The following ILDR2 variants were observed in gnomAD, a reference collection of about 807,000 sequenced individuals.
ILDR2 encodes the protein immunoglobulin like domain containing receptor 2.
In ILDR2, 25 loss-of-function variants were observed where a neutral mutation model predicts 66.8. That is an observed-to-expected ratio of 0.37 (90% CI 0.27 to 0.52). ILDR2 has a LOEUF of 0.52. Ranked by LOEUF, ILDR2 falls within the 20% of genes least tolerant of loss-of-function variation. The probability of loss-of-function intolerance (pLI) is 0.88; values close to 1 mark genes in which losing one functional copy is unlikely to be tolerated. For synonymous variants in ILDR2, 367 were observed against 357.2 expected (o/e 1.03, Z -0.31); for missense variants, 827 against 876.8 (o/e 0.94, Z 0.72).
In ILDR2 at chr1:166,921,387, C is replaced by G. The variant is rs556041580; in HGVS notation, c.1212-8G>C. 3.0e-5 allele frequency: 46 copies of G among 1,552,772 alleles called. No individual in the cohort carries two copies. The South Asian group carries it at 5.2e-4, about 17-fold the overall frequency. On this transcript the variant is annotated splice_region_variant and splice_polypyrimidine_tract_variant and intron_variant, in intron 8 of 9. Coordinates refer to ENST00000271417, the MANE Select transcript of ILDR2 (RefSeq NM_199351.3). This position sits in a 1 kb window ranked among gnomAD's most constrained non-coding sequence, Gnocchi z 5.3. ...GACTTGGAGCGCGGCTGGCTGCGGG[C>G]AGAGAAGGAGGGGGTCAGACGGCCG...
At chr1:166,952,559 C>T (rs114395871) in intron 3 of ILDR2, among the ~76,000 whole-genome samples, 1,689 of 152,180 alleles carry the variant, frequency 0.011, 33 homozygotes, top group African/African-American at 0.039. Context: ...CCATCCATAG[C>T]GATTTGTGGA....
intron 6 of ILDR2, among the ~76,000 whole-genome samples, chr1:166,930,992 A>G (rs537588311): frequency 1.2e-4 from 18 of 152,290 alleles, no homozygotes; most frequent in African/African-American, 4.1e-4. Flanking sequence ...GTTTCAGTTT[A>G]AGATTGATGG....
At chr1:166,942,789 G>A (rs969472475) in intron 3 of ILDR2, among the ~76,000 whole-genome samples, 2 of 152,216 alleles carry the variant, frequency 1.3e-5, no homozygotes, top group Non-Finnish European at 2.9e-5. Flanking sequence ...TATTATGCAC[G>A]AAATTGCTAG....
intron 3 of ILDR2, among the ~76,000 whole-genome samples, chr1:166,948,686 T>C (rs1014748144): frequency 6.6e-6 from 1 of 152,194 alleles, no homozygotes; most frequent in Non-Finnish European, 1.5e-5. Flanking sequence ...GTGAATCTAT[T>C]AGCAATAGGA....
chr1:166,930,647 C>A (rs1285217834), intron 6 of ILDR2, among the ~76,000 whole-genome samples: 1 of 152,180 alleles, frequency 6.6e-6, no homozygotes, highest in Non-Finnish European at 1.5e-5. Flanking sequence ...CTTTCCTGGT[C>A]CCTCCTCTCC....
chr1:166,956,569 A>T (rs2075981), intron 3 of ILDR2, among the ~76,000 whole-genome samples, 164 bp downstream of exon 3: 1 of 152,054 alleles, frequency 6.6e-6, no homozygotes, highest in East Asian at 1.9e-4. Context: ...TAATAAGTAC[A>T]GCTACTGCTC....
chr1:166,935,948 C>T (rs1284637376), intron 5 of ILDR2, among the ~76,000 whole-genome samples: 2 of 152,330 alleles, frequency 1.3e-5, no homozygotes, highest in East Asian at 3.9e-4. Context: ...GAGCAAATAA[C>T]CTGAGTCTTC....
chr1:166,961,393 A>G (rs1662604617), intron 1 of ILDR2, among the ~76,000 whole-genome samples: 1 of 152,192 alleles, frequency 6.6e-6, no homozygotes, highest in African/African-American at 2.4e-5. Context: ...AGGTTGGTCA[A>G]TTCTCAGCTT....
chr1:166,900,771 G>A (rs114139045), intron 2 of ILDR2, among the ~76,000 whole-genome samples: 3 of 152,232 alleles, frequency 2.0e-5, no homozygotes, highest in African/African-American at 7.2e-5. Flanking sequence ...TGCAGTTGAT[G>A]AGGCCACCAA....
chr1:166,924,750 C>G (rs1039191636), intron 7 of ILDR2, among the ~76,000 whole-genome samples: 5 of 152,178 alleles, frequency 3.3e-5, no homozygotes, highest in Admixed American at 3.3e-4. Flanking sequence ...CACGGTAGCT[C>G]ATGCCCATAA....
Position 166,957,884 on chromosome 1 carries a change from G to T in ILDR2, c.264C>A (p.Asp88Glu), listed in dbSNP as rs1290766676. 2 of 1,614,160 alleles carry T rather than the reference G, an allele frequency of 1.2e-6. No individual in the cohort carries two copies. ...TGCTGTCCAAACAATCCAAGTAGGG[G>T]TCCCATTCCAGGTTTCTCTTGCTGA... is the stretch of plus-strand genomic sequence containing the variant. ...QSLSKRNLEW[D>E]PYLDCLDSRR... Residue 88 changes from aspartate (D) to glutamate (E), a missense_variant, in exon 2 of 10, where the codon GAC (aspartate) becomes GAA (glutamate). Coordinates refer to ENST00000271417, the MANE Select transcript of ILDR2 (RefSeq NM_199351.3).
intron 3 of ILDR2, among the ~76,000 whole-genome samples, chr1:166,944,922 A>G (rs561759398): frequency 6.6e-6 from 1 of 152,254 alleles, no homozygotes; most frequent in African/African-American, 2.4e-5. Context: ...AGCAGGGACT[A>G]TGCTCTACGC....
At chr1:166,925,055 T>G (rs1276611449) in intron 7 of ILDR2, among the ~76,000 whole-genome samples, 1 of 152,014 alleles carries the variant, frequency 6.6e-6, no homozygotes, top group African/African-American at 2.4e-5. Context: ...CCAGGAGATA[T>G]AGTTTGCTGA....
At chr1:166,902,253 A>G (rs1030015210) in intron 2 of ILDR2, among the ~76,000 whole-genome samples, 1 of 152,204 alleles carries the variant, frequency 6.6e-6, no homozygotes, top group Non-Finnish European at 1.5e-5. Context: ...CTCTCTCCCC[A>G]CTTTACAGAT....
chr1:166,911,622 T>A lies in ILDR2; in HGVS notation c.*7733A>T, dbSNP rs79624328. ...TACTGGATATAAAATTTTAAGTTAG[T>A]ATCTTTAAGATATTCAGATAAATAA... On this transcript the variant is annotated 3_prime_UTR_variant, in exon 10 of 10. Coordinates refer to ENST00000271417, the MANE Select transcript of ILDR2 (RefSeq NM_199351.3). 2.3e-4 allele frequency: 35 copies of A among 150,272 alleles called. No homozygotes were observed. Among genetic ancestry groups the A allele is most frequent in the Non-Finnish European group, 4.0e-4 (27 of 67,802 alleles). The allele number at this position is 150,272 out of a possible 1,614,324, so 9.3% of individuals were successfully genotyped here. A position where few individuals can be genotyped will look rare whatever the true frequency, so the allele number is the denominator to read the frequency against.
intron 6 of ILDR2, among the ~76,000 whole-genome samples, chr1:166,931,892 G>C (rs764811228): frequency 2.0e-5 from 3 of 152,164 alleles, no homozygotes; most frequent in Non-Finnish European, 4.4e-5. Flanking sequence ...AATTTCCTAG[G>C]GGCTGAGGTT....
At chr1:166,971,459 TG>T (rs1373095334) in intron 1 of ILDR2, among the ~76,000 whole-genome samples, 2 of 151,994 alleles carry the variant, frequency 1.3e-5, no homozygotes, top group Non-Finnish European at 2.9e-5. Flanking sequence ...CTGGAAAACT[TG>T]GTTTTTGGTT....
chr1:166,919,620 C>T (rs1048723511), intron 9 of ILDR2, among the ~76,000 whole-genome samples: 12 of 152,160 alleles, frequency 7.9e-5, no homozygotes, highest in African/African-American at 2.9e-4. Context: ...CTTCTCACCC[C>T]CTTTAGGATA....
At chr1:166,952,504 C>T (rs542131390) in intron 3 of ILDR2, among the ~76,000 whole-genome samples, 1 of 152,306 alleles carries the variant, frequency 6.6e-6, no homozygotes, top group South Asian at 2.1e-4. Context: ...CCTCCCATTT[C>T]TGTGAATCAC....
Sources: gnomAD v4.1 joint callset for allele counts (sites outside exome capture counted in the v4.1 genomes callset) on GRCh38, gnomAD v4.1.1 for gene constraint, Gnocchi (gnomAD v3.1) non-coding constraint, MANE v1.5 for transcripts, NCBI Gene and HGNC (gene_info 2026-07-23, HGNC 2026-07-21) for gene names.